ZNF420: variants seen among roughly 807,000 people sequenced by gnomAD.
ZNF420 encodes the protein ATM and p53-associated KZNF protein.
Under a neutral mutation model 44.7 loss-of-function variants are expected in ZNF420, and 31 were observed. The ratio of observed to expected loss-of-function variants is 0.69; its 90% CI spans 0.52 to 0.94. The LOEUF is 0.94. Among genes scored for constraint, ZNF420 ranks in the 40% least tolerant of loss-of-function variants. The pLI is 0.00. For synonymous variants in ZNF420, 245 were observed against 267.4 expected, an observed-to-expected ratio of 0.92 and a Z score of 0.82; for missense variants, 681 against 827.9, an observed-to-expected ratio of 0.82 and a Z score of 2.18.
chr19:37,104,621 G>A (rs913340640), intron 4 of ZNF420, among the ~76,000 whole-genome samples: 2 of 152,096 alleles, frequency 1.3e-5, no homozygotes, highest in East Asian at 1.9e-4. Flanking sequence ...AAGTGTTCCT[G>A]TTTCTCCACA....
chr19:37,078,190 T>C (rs984734964), upstream of ZNF420: 1 of 152,342 alleles, frequency 6.6e-6, no homozygotes, highest in African/African-American at 2.4e-5. Context: ...GTCTGACGCC[T>C]GCGCACTGAG....
intron 4 of ZNF420, among the ~76,000 whole-genome samples, chr19:37,121,453 A>G (rs1971028852): frequency 1.3e-5 from 2 of 150,508 alleles, no homozygotes; most frequent in Admixed American, 6.6e-5. Flanking sequence ...TCCCTTCCTT[A>G]CACCTTATAC....
intron 4 of ZNF420, among the ~76,000 whole-genome samples, chr19:37,114,185 C>G (rs1041195818): frequency 8.9e-4 from 135 of 152,126 alleles, no homozygotes; most frequent in South Asian, 8.3e-4. Flanking sequence ...TTATGTAATG[C>G]ACTACCCTGT....
At chr19:37,013,972 A>G (rs1416605947) in intron 1 of ZNF420, among the ~76,000 whole-genome samples, 1 of 152,188 alleles carries the variant, frequency 6.6e-6, no homozygotes, top group African/African-American at 2.4e-5. Context: ...ATGTCCTGGC[A>G]TGCGCTCAGG....
intron 1 of ZNF420, among the ~76,000 whole-genome samples, chr19:37,079,563 C>G (rs1057399588): frequency 3.9e-5 from 6 of 152,160 alleles, no homozygotes; most frequent in African/African-American, 1.4e-4. Flanking sequence ...ACGACTTCTT[C>G]CCTGCGTCCT....
intron 2 of ZNF420, among the ~76,000 whole-genome samples, chr19:37,081,777 C>G (rs1486388250): frequency 2.0e-5 from 3 of 147,284 alleles, no homozygotes; most frequent in African/African-American, 7.6e-5. Flanking sequence ...AACTTCTGAC[C>G]TCAGGTGATC....
In ZNF420 at chr19:37,129,934, T is replaced by C; in HGVS notation, c.*876T>C. The C allele has an allele frequency of 7.3e-7, 1 of 1,378,006 alleles. No individual in the cohort carries two copies. 85.4% of individuals were successfully genotyped at this position (1,378,006 alleles called of 1,614,324 possible). On this transcript the variant is annotated 3_prime_UTR_variant, in exon 5 of 5. Coordinates refer to ENST00000337995, the MANE Select transcript of ZNF420 (RefSeq NM_144689.5). ...AAAATAACTGATATTACAGACTATT[T>C]TGCAATGAAAAATGATGAGAGTTTG...
chr19:37,103,639 C>T (rs1331207719), intron 4 of ZNF420, among the ~76,000 whole-genome samples: 1 of 152,208 alleles, frequency 6.6e-6, no homozygotes, highest in Non-Finnish European at 1.5e-5. Context: ...AATTCAACCT[C>T]TTTTCCTATT....
intron 4 of ZNF420, among the ~76,000 whole-genome samples, chr19:37,114,414 C>T (rs571477235): frequency 4.2e-5 from 5 of 117,994 alleles, no homozygotes; most frequent in East Asian, 2.0e-4. Flanking sequence ...TTGGCATTGC[C>T]GTGACAGAGA....
intron 4 of ZNF420, among the ~76,000 whole-genome samples, chr19:37,120,300 G>A (rs1191929441): frequency 1.1e-4 from 17 of 151,924 alleles, no homozygotes; most frequent in Admixed American, 6.6e-5. Context: ...TCATCCCTGG[G>A]ATGCAAGGCT....
intron 1 of ZNF420, chr19:37,024,877 C>A: frequency 6.4e-6 from 1 of 155,596 alleles, no homozygotes; most frequent in Non-Finnish European, 1.4e-5. Flanking sequence ...CCACCACACC[C>A]TGCCGTAAAG....
At chr19:37,106,219 G>T (rs1364169122) in intron 4 of ZNF420, among the ~76,000 whole-genome samples, 1 of 152,108 alleles carries the variant, frequency 6.6e-6, no homozygotes, top group Non-Finnish European at 1.5e-5. Context: ...GGAGTTTTTA[G>T]CATGAAGGGC....
At chr19:37,019,385 GTAA>G (rs1195627209) in intron 1 of ZNF420, among the ~76,000 whole-genome samples, 1 of 152,180 alleles carries the variant, frequency 6.6e-6, no homozygotes, top group African/African-American at 2.4e-5. Context: ...AGAGCTGTTG[GTAA>G]TGATATAGAG....
chr19:37,040,696 A>T (rs1599610775), intron 1 of ZNF420, among the ~76,000 whole-genome samples: 1 of 152,310 alleles, frequency 6.6e-6, no homozygotes, highest in East Asian at 1.9e-4. Flanking sequence ...TGTGCCAGGT[A>T]TCACAGTACT....
chr19:37,075,760 A>AAAAC (rs202179442), upstream of ZNF420, among the ~76,000 whole-genome samples: 1 of 151,852 alleles, frequency 6.6e-6, no homozygotes, highest in Admixed American at 6.6e-5. Flanking sequence ...AACAAAAACA[A>AAAAC]AAACAAACAA....
intron 4 of ZNF420, among the ~76,000 whole-genome samples, chr19:37,103,007 C>G (rs1476756402): frequency 6.6e-6 from 1 of 151,694 alleles, no homozygotes; most frequent in Non-Finnish European, 1.5e-5. Flanking sequence ...TTTTATCTCA[C>G]TTATATTTTG....
intron 2 of ZNF420, among the ~76,000 whole-genome samples, chr19:37,081,074 A>G (rs1053362501): frequency 3.3e-5 from 5 of 151,104 alleles, no homozygotes; most frequent in Admixed American, 1.3e-4. Context: ...AAAAAAAAAA[A>G]GCGATTACTT....
At chr19:37,037,391 A>G (rs1314400551) in intron 1 of ZNF420, among the ~76,000 whole-genome samples, 4 of 152,330 alleles carry the variant, frequency 2.6e-5, no homozygotes, top group African/African-American at 9.6e-5. Context: ...ATGTCTTCTC[A>G]GCGCATCTTT....
chr19:37,048,959 A>G (rs2146420568), intron 1 of ZNF420, among the ~76,000 whole-genome samples: 1 of 149,082 alleles, frequency 6.7e-6, no homozygotes, highest in East Asian at 2.0e-4. Flanking sequence ...GAATGAGAAC[A>G]TGTGGTGTTT....
Sources: allele counts gnomAD v4.1 joint callset (sites outside exome capture counted in the v4.1 genomes callset), GRCh38; gene constraint gnomAD v4.1.1; transcripts MANE v1.5; gene names NCBI Gene and HGNC (gene_info 2026-07-23, HGNC 2026-07-21).